NKAIN3: variants seen among roughly 807,000 people sequenced by gnomAD.
NKAIN3 encodes sodium/potassium-transporting ATPase subunit beta-1-interacting protein 3.
NKAIN3 carries 25 observed loss-of-function variants against 30.2 expected under a neutral mutation model. That is an observed-to-expected ratio of 0.83 (90% CI 0.60 to 1.16). NKAIN3 has a LOEUF of 1.16. NKAIN3 is among the 50% of genes most tolerant of loss of function. The probability of loss-of-function intolerance (pLI) is 0.00; values close to 1 mark genes in which losing one functional copy is unlikely to be tolerated. For synonymous variants in NKAIN3, 91 were observed against 89.6 expected (o/e 1.02, Z -0.09); for missense variants, 225 against 254.1 (o/e 0.89, Z 0.78).
chr8:62,586,378 C>G (rs1265618291), intron 2 of NKAIN3, among the ~76,000 whole-genome samples: 5 of 152,034 alleles, frequency 3.3e-5, no homozygotes, highest in Non-Finnish European at 7.4e-5. Context: ...AAAACTTGAC[C>G]CATGTATCAT....
At chr8:62,494,863 T>C (rs1807185080) in intron 1 of NKAIN3, among the ~76,000 whole-genome samples, 1 of 152,156 alleles carries the variant, frequency 6.6e-6, no homozygotes, top group Non-Finnish European at 1.5e-5. Flanking sequence ...ATGTCCCCTT[T>C]GTGATTTCTA....
chr8:62,298,133 T>A (rs1237540536), intron 1 of NKAIN3, among the ~76,000 whole-genome samples: 1 of 124,682 alleles, frequency 8.0e-6, no homozygotes, highest in African/African-American at 3.2e-5. Flanking sequence ...TGAGATCACA[T>A]GGACACAGGA....
intron 1 of NKAIN3, among the ~76,000 whole-genome samples, chr8:62,342,616 T>C (rs759347954): frequency 2.6e-5 from 4 of 152,098 alleles, no homozygotes. Context: ...AAAGGAACTC[T>C]TAGGGCTCTT....
At chr8:62,749,042 A>T (rs1816182220) in intron 4 of NKAIN3, among the ~76,000 whole-genome samples, 1 of 152,138 alleles carries the variant, frequency 6.6e-6, no homozygotes, top group Non-Finnish European at 1.5e-5. Context: ...GAACTCTATT[A>T]TCCTATACTA....
rs144058681 is a variant in NKAIN3, at chr8:62,891,068, T to A, written c.472-27385T>A. 8.3e-3 allele frequency among the ~76,000 whole-genome samples: 1,259 copies of A among 152,240 alleles called. 12 individuals are homozygous for A. The highest frequency in any genetic ancestry group is 0.027 in the Middle Eastern group (8 of 294). On this transcript the variant is annotated intron_variant, in intron 4 of 6. Transcript: ENST00000623646. ...ATGATAGTTAATATTGTCAACTTGA[T>A]TGGATTGAAGGATGCAAAGTATTGT... is the stretch of plus-strand genomic sequence containing the variant.
chr8:62,295,884 C>G (rs1258055467), intron 1 of NKAIN3, among the ~76,000 whole-genome samples: 1 of 152,116 alleles, frequency 6.6e-6, no homozygotes, highest in Non-Finnish European at 1.5e-5. Flanking sequence ...TAGCAATGAA[C>G]AAGACAGACA....
In NKAIN3 at chr8:62,880,829, T is replaced by TA. The variant is rs1820953836; in HGVS notation, c.472-37623dup. 2.0e-5 allele frequency among the ~76,000 whole-genome samples: 3 copies of TA among 152,204 alleles called. No homozygotes were observed. The South Asian group carries it at 6.2e-4, about 31-fold the overall frequency. Reference sequence around the variant, plus strand: ...GTAGGAGGGTGGGCATGGCCAAGCATACACGTGCTGAAACTACATGGTTAA... The same window carrying TA: ...GTAGGAGGGTGGGCATGGCCAAGCATAACACGTGCTGAAACTACATGGTTAA... On this transcript the variant is annotated intron_variant, in intron 4 of 6. Coordinates refer to ENST00000623646, the MANE Select transcript of NKAIN3 (RefSeq NM_001304533.3).
chr8:62,669,510 C>T (rs1245719546), intron 3 of NKAIN3, among the ~76,000 whole-genome samples: 1 of 152,128 alleles, frequency 6.6e-6, no homozygotes, highest in Non-Finnish European at 1.5e-5. Flanking sequence ...TTATTTTATT[C>T]ATCCATTTAG....
chr8:62,940,969 A>T (rs1822939993), intron 5 of NKAIN3, among the ~76,000 whole-genome samples: 1 of 152,056 alleles, frequency 6.6e-6, no homozygotes, highest in African/African-American at 2.4e-5. Flanking sequence ...TGAAACAAAA[A>T]GCTGGTTCTT....
At position 62,747,008 on chromosome 8, in the gene NKAIN3, G is replaced by A. The variant is rs768037036; in HGVS notation, c.350G>A (p.Arg117Lys). 6.8e-6 allele frequency: 11 copies of A among 1,613,852 alleles called. No individual in the cohort carries two copies. In the South Asian group the frequency reaches 1.1e-4, roughly 16 times the overall value. ...GAACATGGGCCTGGTTGTGTCAGAAGAGTGCTGCCTCCCTCAGCCCATGGC... is the reference window on the plus strand; with the variant it reads ...GAACATGGGCCTGGTTGTGTCAGAAAAGTGCTGCCTCCCTCAGCCCATGGC... ...WREHGPGCVR[R>K]VLPPSAHGMM... The change falls in exon 4 of 7, where the codon AGA becomes AAA. Residue 117 changes from arginine to lysine, a missense_variant. Arg to Lys is a conservative substitution (Grantham distance 26). Transcript: ENST00000623646.
rs768595207 is a variant in NKAIN3, at chr8:62,837,720, T to C, written c.472-80733T>C. ...AATAATTTTCACACTTTTTTCTAAATGCAATATGCTTTGGGGTTACTGAGG... is the reference window on the plus strand; with the variant it reads ...AATAATTTTCACACTTTTTTCTAAACGCAATATGCTTTGGGGTTACTGAGG... On this transcript the variant is annotated intron_variant, in intron 4 of 6. Coordinates refer to ENST00000623646, the MANE Select transcript of NKAIN3 (RefSeq NM_001304533.3). Among the ~76,000 whole-genome samples the C allele has an allele frequency of 2.5e-4, 38 of 152,162 alleles. 2 individuals carry two copies. Among genetic ancestry groups the C allele is most frequent in the Non-Finnish European group, 1.5e-5 (1 of 68,016 alleles).
At chr8:62,366,982 C>T (rs1231535459) in intron 1 of NKAIN3, among the ~76,000 whole-genome samples, 2 of 151,784 alleles carry the variant, frequency 1.3e-5, no homozygotes, top group Non-Finnish European at 2.9e-5. Flanking sequence ...GTTTCATTTC[C>T]ACATATTTGT....
chr8:62,330,517 A>AC (rs984912281), intron 1 of NKAIN3, among the ~76,000 whole-genome samples: 9 of 151,850 alleles, frequency 5.9e-5, no homozygotes, highest in African/African-American at 2.2e-4. Context: ...CTTTTAATTT[A>AC]CCCCACTAAG....
intron 1 of NKAIN3, among the ~76,000 whole-genome samples, chr8:62,445,784 C>T (rs1035111110): frequency 6.6e-6 from 1 of 152,136 alleles, no homozygotes; most frequent in Admixed American, 6.6e-5. Context: ...AAAATAGGAG[C>T]AGCAAAATCC....
intron 4 of NKAIN3, among the ~76,000 whole-genome samples, chr8:62,849,924 T>C (rs1446813062): frequency 6.6e-6 from 1 of 152,246 alleles, no homozygotes; most frequent in East Asian, 1.9e-4. Flanking sequence ...TATGTGTGCA[T>C]GTGTCTTTAT....
intron 1 of NKAIN3, among the ~76,000 whole-genome samples, chr8:62,343,058 A>G (rs1815803544): frequency 6.6e-6 from 1 of 151,994 alleles, no homozygotes; most frequent in Non-Finnish European, 1.5e-5. Flanking sequence ...CTTTTTCATC[A>G]TTATTATTAT....
intron 3 of NKAIN3, among the ~76,000 whole-genome samples, chr8:62,633,790 C>A (rs1266879025): frequency 6.6e-6 from 1 of 152,094 alleles, no homozygotes; most frequent in Non-Finnish European, 1.5e-5. Flanking sequence ...ACCCCTGAGG[C>A]CTTTGCTTAG....
intron 1 of NKAIN3, among the ~76,000 whole-genome samples, chr8:62,269,463 A>G (rs910343580): frequency 1.3e-5 from 2 of 151,730 alleles, no homozygotes; most frequent in African/African-American, 4.8e-5. Context: ...GTCGCCCATT[A>G]TTTTTTTTAC....
At chr8:62,291,285 G>C (rs919536818) in intron 1 of NKAIN3, among the ~76,000 whole-genome samples, 3 of 152,104 alleles carry the variant, frequency 2.0e-5, no homozygotes, top group African/African-American at 4.8e-5. Flanking sequence ...GCTAGCTTTT[G>C]AATGTGTTTG....
Sources: gnomAD v4.1 joint callset for allele counts (sites outside exome capture counted in the v4.1 genomes callset) on GRCh38, gnomAD v4.1.1 for gene constraint, MANE v1.5 for transcripts, NCBI Gene and HGNC (gene_info 2026-07-23, HGNC 2026-07-21) for gene names.